ZNF346: variants seen among roughly 807,000 people sequenced by gnomAD.
ZNF346 encodes the protein zinc finger protein 346.
In ZNF346, 23 loss-of-function variants were observed where a neutral mutation model predicts 33.7. The ratio of observed to expected loss-of-function variants is 0.68; its 90% CI spans 0.49 to 0.97. The LOEUF is 0.97. Among genes scored for constraint, ZNF346 ranks in the 50% least tolerant of loss-of-function variants. The probability of loss-of-function intolerance (pLI) is 0.00; values close to 1 mark genes in which losing one functional copy is unlikely to be tolerated. For synonymous variants in ZNF346, 134 were observed against 142.4 expected (o/e 0.94, Z 0.42); for missense variants, 340 against 371.1 (o/e 0.92, Z 0.69).
intron 5 of ZNF346, among the ~76,000 whole-genome samples, chr5:177,058,634 G>A (rs1465004753): frequency 6.6e-6 from 1 of 152,160 alleles, no homozygotes; most frequent in Non-Finnish European, 1.5e-5. Context: ...ACAGTGAATG[G>A]TTCAAGCTTA....
chr5:177,034,758 T>C (rs1428707714), intron 1 of ZNF346, among the ~76,000 whole-genome samples: 1 of 152,258 alleles, frequency 6.6e-6, no homozygotes, highest in Non-Finnish European at 1.5e-5. Context: ...ACCATACTTC[T>C]GTGCCTCTTG....
At chr5:177,023,324 C>G (rs780784297) in intron 1 of ZNF346, 23 of 950,440 alleles carry the variant, frequency 2.4e-5, no homozygotes, top group Admixed American at 2.2e-4. Context: ...CCTCCCTTCT[C>G]TCAAGCCCCA....
At chr5:177,035,022 C>CTTTTT (rs397966758) in intron 1 of ZNF346, among the ~76,000 whole-genome samples, 1 of 145,368 alleles carries the variant, frequency 6.9e-6, no homozygotes, top group Admixed American at 6.9e-5. Context: ...CTTTTCTTTT[C>CTTTTT]TTTTTTTTTT....
chr5:177,047,638 T>C (rs1780273657), intron 4 of ZNF346, among the ~76,000 whole-genome samples: 1 of 152,182 alleles, frequency 6.6e-6, no homozygotes, highest in African/African-American at 2.4e-5. Flanking sequence ...CCTGAGTAGC[T>C]GGGACTACCG....
chr5:177,069,349 C>T (rs551274083), downstream of ZNF346, among the ~76,000 whole-genome samples: 3 of 151,410 alleles, frequency 2.0e-5, no homozygotes, highest in South Asian at 4.2e-4. Flanking sequence ...CTCAGCTGCT[C>T]GCTGAGGCAG....
chr5:177,071,479 G>T (rs556872384), downstream of ZNF346, among the ~76,000 whole-genome samples: 1 of 152,164 alleles, frequency 6.6e-6, no homozygotes, highest in African/African-American at 2.4e-5. Flanking sequence ...AAGGTTAGGA[G>T]ATCGAGACCA....
downstream of ZNF346, among the ~76,000 whole-genome samples, chr5:177,069,737 G>A (rs1783414673): frequency 6.6e-6 from 1 of 151,114 alleles, no homozygotes. Context: ...CTGTTGCCCA[G>A]GCTGGTCTCG....
chr5:177,049,512 A>G (rs1780568221), intron 4 of ZNF346, among the ~76,000 whole-genome samples: 1 of 152,224 alleles, frequency 6.6e-6, no homozygotes, highest in Non-Finnish European at 1.5e-5. Flanking sequence ...ATCAAGCCAT[A>G]TGTTGATGCA....
At chr5:177,028,922 T>C (rs1777281080) in intron 1 of ZNF346, among the ~76,000 whole-genome samples, 1 of 151,830 alleles carries the variant, frequency 6.6e-6, no homozygotes, top group Non-Finnish European at 1.5e-5. Flanking sequence ...GGTTTCACCA[T>C]GTTAGCCAGG....
At chr5:177,048,421 A>G (rs1780393352) in intron 4 of ZNF346, among the ~76,000 whole-genome samples, 1 of 152,206 alleles carries the variant, frequency 6.6e-6, no homozygotes, top group Admixed American at 6.5e-5. Context: ...CAGGAGTTTG[A>G]GACCAGCCTG....
chr5:177,023,453 T>G (rs903117655), intron 1 of ZNF346, among the ~76,000 whole-genome samples: 1 of 152,122 alleles, frequency 6.6e-6, no homozygotes, highest in African/African-American at 2.4e-5. Context: ...GGTCCCTTAT[T>G]CTAAGGTGGG....
chr5:177,040,816 T>C (rs1779248267), intron 1 of ZNF346, among the ~76,000 whole-genome samples: 1 of 152,234 alleles, frequency 6.6e-6, no homozygotes, highest in African/African-American at 2.4e-5. Flanking sequence ...TGGGGAATGC[T>C]CCAAGCCTCA....
chr5:177,033,808 C>T (rs1778076376), intron 1 of ZNF346, among the ~76,000 whole-genome samples: 1 of 152,104 alleles, frequency 6.6e-6, no homozygotes. Flanking sequence ...CAGGCGTGAG[C>T]CACCGCACCT....
rs1783240297 is a variant in ZNF346, at chr5:177,067,110, G to T, written c.*2511G>T. On this transcript the variant is annotated 3_prime_UTR_variant, in exon 7 of 7. Coordinates refer to ENST00000358149, the MANE Select transcript of ZNF346 (RefSeq NM_012279.4). ...TTAAAAGAAGGTAGCCAGGTGTGGT[G>T]GTGCATTCCTGTAGTCCTGGCTACC... Among the ~76,000 whole-genome samples, 1 of 152,064 alleles carries T rather than the reference G, an allele frequency of 6.6e-6. No individual in the cohort carries two copies. The highest frequency in any genetic ancestry group is 1.5e-5 in the Non-Finnish European group (1 of 68,004).
intron 1 of ZNF346, among the ~76,000 whole-genome samples, chr5:177,036,320 C>T (rs912586642): frequency 5.3e-5 from 8 of 152,176 alleles, no homozygotes; most frequent in Non-Finnish European, 1.2e-4. Context: ...TAAAAGCAAA[C>T]ATTCCCAATT....
chr5:177,073,154 G>T (rs1312701585), intron 8 of ZNF346, among the ~76,000 whole-genome samples: 1 of 152,130 alleles, frequency 6.6e-6, no homozygotes, highest in Non-Finnish European at 1.5e-5. Context: ...GGCAGGAATT[G>T]GGTCTTATGA....
intron 5 of ZNF346, among the ~76,000 whole-genome samples, chr5:177,055,484 C>G (rs1781546964): frequency 6.6e-6 from 1 of 152,184 alleles, no homozygotes; most frequent in Non-Finnish European, 1.5e-5. Flanking sequence ...GTATTTTCAA[C>G]ATCCTGGTGT....
intron 4 of ZNF346, among the ~76,000 whole-genome samples, chr5:177,048,986 A>G (rs958977165): frequency 6.6e-6 from 1 of 151,834 alleles, no homozygotes; most frequent in South Asian, 2.1e-4. Flanking sequence ...GAGTTTCACC[A>G]TGTTGGCCAG....
chr5:177,025,044 G>A (rs1581766358), intron 1 of ZNF346, among the ~76,000 whole-genome samples: 1 of 152,152 alleles, frequency 6.6e-6, no homozygotes, highest in Admixed American at 6.6e-5. Context: ...GAGTTGTATA[G>A]CCATTACCAC....
Sources: allele counts gnomAD v4.1 joint callset (sites outside exome capture counted in the v4.1 genomes callset), GRCh38; gene constraint gnomAD v4.1.1; transcripts MANE v1.5; gene names NCBI Gene and HGNC (gene_info 2026-07-23, HGNC 2026-07-21).